The following CEP112 variants were observed in gnomAD, a reference collection of about 807,000 sequenced individuals.
CEP112 encodes the protein centrosomal protein 112.
A neutral mutation model predicts 153.0 loss-of-function variants in CEP112; 127 were observed. That is an observed-to-expected ratio of 0.83 (90% CI 0.72 to 0.96). The LOEUF is 0.96. Ranked by LOEUF, CEP112 falls within the 40% of genes least tolerant of loss-of-function variation. The pLI, the probability that CEP112 is intolerant of heterozygous loss-of-function variation, is 0.00. For missense variants in CEP112, 1,089 were observed against 1,101.2 expected, an observed-to-expected ratio of 0.99 and a Z score of 0.16; for synonymous variants, 358 against 374.4, an observed-to-expected ratio of 0.96 and a Z score of 0.51.
rs1261900792 is a variant in CEP112 at position 65,808,009 on chromosome 17, A to G, written c.2394+43795T>C. On this transcript the variant is annotated intron_variant, in intron 21 of 26. Coordinates refer to ENST00000535342, the MANE Select transcript of CEP112 (RefSeq NM_001199165.4). Reference sequence around the variant, plus strand: ...GCATCTGAAAAAGCTGCAGCCACTCAATGCCAGTCCATGAAAGCAGCTGCT... The same window carrying G: ...GCATCTGAAAAAGCTGCAGCCACTCGATGCCAGTCCATGAAAGCAGCTGCT... 3.3e-5 allele frequency among the ~76,000 whole-genome samples: 5 copies of G among 152,218 alleles called. No individual in the cohort carries two copies. The East Asian group carries it at 9.6e-4, about 29-fold the overall frequency.
chr17:66,016,706 A>G (rs2064789616), intron 16 of CEP112, among the ~76,000 whole-genome samples: 1 of 152,220 alleles, frequency 6.6e-6, no homozygotes, highest in Non-Finnish European at 1.5e-5. Flanking sequence ...TGTGCCTCCA[A>G]TGTACCATGT....
At chr17:65,986,422 AT>A (rs1252342688) in intron 17 of CEP112, among the ~76,000 whole-genome samples, 1 of 152,112 alleles carries the variant, frequency 6.6e-6, no homozygotes. Context: ...AAATCAAAAT[AT>A]TTACTATGTG....
chr17:66,006,462 C>T (rs955464968), intron 16 of CEP112, among the ~76,000 whole-genome samples: 6 of 151,942 alleles, frequency 3.9e-5, no homozygotes, highest in Non-Finnish European at 5.9e-5. Context: ...AAAAATTAGC[C>T]GGGCATGGTA....
intron 19 of CEP112, among the ~76,000 whole-genome samples, chr17:65,902,926 G>A (rs1442470915): frequency 1.3e-5 from 2 of 152,160 alleles, no homozygotes; most frequent in Non-Finnish European, 2.9e-5. Flanking sequence ...ATTTCATAAA[G>A]AGCATTCTAT....
chr17:66,182,369 T>TG (rs1370542717), intron 2 of CEP112: 1 of 152,314 alleles, frequency 6.6e-6, no homozygotes, highest in Non-Finnish European at 1.5e-5. Context: ...AGGCAGCCTC[T>TG]GGGGGTCTTG....
At chr17:66,156,959 A>G (rs1476139516) in intron 4 of CEP112, among the ~76,000 whole-genome samples, 1 of 152,194 alleles carries the variant, frequency 6.6e-6, no homozygotes, top group Admixed American at 6.5e-5. Context: ...ACTCTTCAGG[A>G]TATTATCCAG....
intron 21 of CEP112, among the ~76,000 whole-genome samples, chr17:65,801,940 C>G (rs190645616): frequency 6.6e-6 from 1 of 152,222 alleles, no homozygotes; most frequent in African/African-American, 2.4e-5. Flanking sequence ...TTGCAGAAAA[C>G]TGGACATTTT....
At chr17:65,809,956 T>C (rs1421922735) in intron 21 of CEP112, among the ~76,000 whole-genome samples, 1 of 152,066 alleles carries the variant, frequency 6.6e-6, no homozygotes, top group Admixed American at 6.5e-5. Context: ...TAACTGATAA[T>C]GTGATTAAAA....
In CEP112 at chr17:65,730,990, C is replaced by T. The variant is rs114175025; in HGVS notation, c.2607+12078G>A. Among the ~76,000 whole-genome samples, 889 of 152,166 alleles carry T rather than the reference C, an allele frequency of 5.8e-3. 8 individuals are homozygous for T. Among genetic ancestry groups the T allele is most frequent in the African/African-American group, 0.019 (783 of 41,518 alleles). ...GCTTCACAGTGAGAAACTTTCAATA[C>T]GCTAGCTTCAAAGAAAGGACTTAGC... On this transcript the variant is annotated intron_variant, in intron 23 of 26. Coordinates refer to ENST00000535342, the MANE Select transcript of CEP112 (RefSeq NM_001199165.4).
intron 18 of CEP112, among the ~76,000 whole-genome samples, chr17:65,957,641 C>A (rs1224555344): frequency 6.6e-6 from 1 of 151,968 alleles, no homozygotes; most frequent in Non-Finnish European, 1.5e-5. Context: ...CTAATCAATA[C>A]CATTTTACTA....
chr17:65,762,611 G>T (rs1195890410), intron 21 of CEP112, among the ~76,000 whole-genome samples: 1 of 151,586 alleles, frequency 6.6e-6, no homozygotes, highest in Non-Finnish European at 1.5e-5. Flanking sequence ...TTTACTGGTT[G>T]CCCTAGAGTT....
At chr17:65,797,961 T>A (rs2055038636) in intron 21 of CEP112, among the ~76,000 whole-genome samples, 1 of 152,200 alleles carries the variant, frequency 6.6e-6, no homozygotes, top group African/African-American at 2.4e-5. Context: ...GGGTCTCTGA[T>A]GCTACTGGCT....
chr17:65,962,706 T>C (rs1005407783), intron 17 of CEP112, among the ~76,000 whole-genome samples: 7 of 145,000 alleles, frequency 4.8e-5, no homozygotes, highest in African/African-American at 1.8e-4. Context: ...GGGGCAGGTC[T>C]TTCCCATGCT....
At chr17:65,644,472 T>C in intron 24 of CEP112, 1 of 365,846 alleles carries the variant, frequency 2.7e-6, no homozygotes, top group Non-Finnish European at 5.1e-6. Context: ...TCTTCTCACG[T>C]GAAACTGGAT....
intron 18 of CEP112, among the ~76,000 whole-genome samples, chr17:65,958,234 T>C (rs940593609): frequency 1.3e-5 from 2 of 152,224 alleles, no homozygotes; most frequent in Admixed American, 1.3e-4. Context: ...ATGTGGTATA[T>C]ATTATATGAG....
chr17:66,092,173 G>T (rs1419660646), intron 8 of CEP112, among the ~76,000 whole-genome samples: 1 of 151,364 alleles, frequency 6.6e-6, no homozygotes, highest in African/African-American at 2.4e-5. Flanking sequence ...CCAAGTAGCT[G>T]GGATTACAGG....
At chr17:65,935,760 G>C (rs1451101320) in intron 18 of CEP112, among the ~76,000 whole-genome samples, 1 of 151,614 alleles carries the variant, frequency 6.6e-6, no homozygotes, top group Non-Finnish European at 1.5e-5. Flanking sequence ...ATAGCAAAAG[G>C]AGTCCTACAA....
chr17:65,803,164 A>G (rs1479169143), intron 21 of CEP112, among the ~76,000 whole-genome samples: 1 of 152,226 alleles, frequency 6.6e-6, no homozygotes, highest in Non-Finnish European at 1.5e-5. Context: ...TCTCTCTCCA[A>G]GTACCAGGAG....
intron 23 of CEP112, among the ~76,000 whole-genome samples, chr17:65,735,468 A>G (rs1049934441): frequency 6.6e-6 from 1 of 152,090 alleles, no homozygotes; most frequent in African/African-American, 2.4e-5. Flanking sequence ...AACAAAATCA[A>G]TACAGACGCT....
Sources: allele counts gnomAD v4.1 joint callset (sites outside exome capture counted in the v4.1 genomes callset), GRCh38; gene constraint gnomAD v4.1.1; transcripts MANE v1.5; gene names NCBI Gene and HGNC (gene_info 2026-07-23, HGNC 2026-07-21).